Variants in GRIN2B observed in about 807,000 individuals in gnomAD.
The protein encoded by GRIN2B is glutamate receptor ionotropic, NMDA 2B.
Under a neutral mutation model 114.5 loss-of-function variants are expected in GRIN2B, and 5 were observed. The observed-to-expected ratio is 0.04, with a 90% CI of 0.02 to 0.09. The LOEUF (loss-of-function observed/expected upper bound fraction) is 0.09, where lower values mean the gene tolerates loss of function less well. Ranked by LOEUF, GRIN2B falls within the 10% of genes least tolerant of loss-of-function variation. The pLI, the probability that GRIN2B is intolerant of heterozygous loss-of-function variation, is 1.00. For missense variants in GRIN2B, 1,108 were observed against 1,943.5 expected (o/e 0.57, Z 8.08); for synonymous variants, 787 against 745.1 (o/e 1.06, Z -0.92).
intron 3 of GRIN2B, among the ~76,000 whole-genome samples, chr12:13,774,300 G>T (rs1863962783): frequency 6.6e-6 from 1 of 152,168 alleles, no homozygotes; most frequent in Non-Finnish European, 1.5e-5. Flanking sequence ...TTTGCTAGTG[G>T]GTTTTTATCA....
chr12:13,665,803 ACTGT>A (rs745632428), intron 5 of GRIN2B, among the ~76,000 whole-genome samples: 1 of 152,162 alleles, frequency 6.6e-6, no homozygotes, highest in Non-Finnish European at 1.5e-5. Flanking sequence ...TCCAGGCTAG[ACTGT>A]CTGATCATTT....
chr12:13,824,965 A>G (rs983459407), intron 3 of GRIN2B, among the ~76,000 whole-genome samples: 9 of 141,508 alleles, frequency 6.4e-5, no homozygotes, highest in African/African-American at 2.4e-4. Flanking sequence ...CCTTCTGTTT[A>G]TTCTGTTTAT....
chr12:13,865,475 T>C (rs1014558403), intron 3 of GRIN2B, among the ~76,000 whole-genome samples: 2 of 151,808 alleles, frequency 1.3e-5, no homozygotes, highest in Non-Finnish European at 2.9e-5. Context: ...CTACTAAAAA[T>C]ACAAAAATTA....
intron 2 of GRIN2B, among the ~76,000 whole-genome samples, chr12:13,960,739 A>G (rs957625262): frequency 6.6e-6 from 1 of 152,234 alleles, no homozygotes; most frequent in African/African-American, 2.4e-5. Context: ...GTCAGGGAAG[A>G]CAGGAAGTAT....
At chr12:13,791,470 A>T (rs1042210690) in intron 3 of GRIN2B, among the ~76,000 whole-genome samples, 3 of 151,660 alleles carry the variant, frequency 2.0e-5, no homozygotes, top group Non-Finnish European at 4.4e-5. Context: ...AAATAAAAAA[A>T]AAAAATTCCA....
At chr12:13,638,684 A>G (rs1949686359) in intron 5 of GRIN2B, among the ~76,000 whole-genome samples, 1 of 152,096 alleles carries the variant, frequency 6.6e-6, no homozygotes, top group Non-Finnish European at 1.5e-5. Flanking sequence ...CTCAAAATGT[A>G]AGTATTAGGA....
intron 5 of GRIN2B, among the ~76,000 whole-genome samples, chr12:13,626,244 C>T (rs149661901): frequency 1.3e-5 from 2 of 152,192 alleles, no homozygotes; most frequent in African/African-American, 4.8e-5. Context: ...ACCACTCCCT[C>T]TAAATCAACT....
chr12:13,800,901 T>C (rs1864499290), intron 3 of GRIN2B, among the ~76,000 whole-genome samples: 1 of 152,166 alleles, frequency 6.6e-6, no homozygotes, highest in Admixed American at 6.6e-5. Flanking sequence ...ATATAAATGA[T>C]GTAAGATGCT....
At chr12:13,714,360 T>G (rs1007885950) in intron 4 of GRIN2B, among the ~76,000 whole-genome samples, 1 of 151,894 alleles carries the variant, frequency 6.6e-6, no homozygotes, top group African/African-American at 2.4e-5. Flanking sequence ...AGGCTTGATA[T>G]GGAGGAGACT....
intron 4 of GRIN2B, among the ~76,000 whole-genome samples, chr12:13,727,156 T>C (rs1863004153): frequency 6.6e-6 from 1 of 152,164 alleles, no homozygotes; most frequent in South Asian, 2.1e-4. Context: ...ACCCTAGGGA[T>C]TGTCTAACCC....
chr12:13,689,154 A>G (rs950136888), intron 4 of GRIN2B, among the ~76,000 whole-genome samples: 10 of 152,122 alleles, frequency 6.6e-5, no homozygotes, highest in Non-Finnish European at 1.5e-4. Context: ...GATTAGTCCA[A>G]TTCTTCTCCT....
chr12:13,827,122 T>C lies in GRIN2B; in HGVS notation c.411+38676A>G, dbSNP rs142944703. ...AGTCTGCTGCTATTTTAACCTTTGT[T>C]AGTTTGAATATTATATGTCTTTTTT... On this transcript the variant is annotated intron_variant, in intron 3 of 13. Transcript: ENST00000609686. 2.2e-3 allele frequency among the ~76,000 whole-genome samples: 340 copies of C among 151,698 alleles called. 1 individual carries two copies. The highest frequency in any genetic ancestry group is 4.0e-3 in the Non-Finnish European group (272 of 67,858).
At chr12:13,873,531 A>G (rs964474588) in intron 2 of GRIN2B, among the ~76,000 whole-genome samples, 4 of 152,170 alleles carry the variant, frequency 2.6e-5, no homozygotes, top group African/African-American at 9.7e-5. Flanking sequence ...CTTGGAACCT[A>G]CACTTCTGTG....
At chr12:13,610,387 G>A (rs4764014) in intron 9 of GRIN2B, among the ~76,000 whole-genome samples, 39,885 of 152,052 alleles carry the variant, frequency 0.26, 5,885 homozygotes, top group Middle Eastern at 0.43. Flanking sequence ...TTTTTTCAAG[G>A]GAGAGAGGCA....
intron 3 of GRIN2B, among the ~76,000 whole-genome samples, chr12:13,756,429 C>T (rs539458223): frequency 2.4e-4 from 36 of 152,092 alleles, no homozygotes; most frequent in Non-Finnish European, 4.9e-4. Context: ...CTACAGAGGA[C>T]GACGACAGGA....
intron 4 of GRIN2B, among the ~76,000 whole-genome samples, chr12:13,751,858 C>G (rs1214684809): frequency 6.6e-6 from 1 of 152,020 alleles, no homozygotes; most frequent in Non-Finnish European, 1.5e-5. Flanking sequence ...CCAAGAAGTG[C>G]CCATATTTAA....
intron 3 of GRIN2B, among the ~76,000 whole-genome samples, chr12:13,781,254 C>T (rs752522413): frequency 3.3e-5 from 5 of 152,218 alleles, no homozygotes; most frequent in African/African-American, 9.6e-5. Context: ...TGGGTAGGCA[C>T]GAAAGTTGAG....
At chr12:13,739,980 T>G (rs1863253537) in intron 4 of GRIN2B, among the ~76,000 whole-genome samples, 2 of 152,192 alleles carry the variant, frequency 1.3e-5, no homozygotes, top group African/African-American at 4.8e-5. Flanking sequence ...GGTCTATTCC[T>G]AAAGAATATT....
chr12:13,866,847 A>G (rs1394740788), intron 2 of GRIN2B, among the ~76,000 whole-genome samples: 6 of 152,230 alleles, frequency 3.9e-5, no homozygotes, highest in Non-Finnish European at 1.5e-5. Flanking sequence ...ACATTGCCTC[A>G]ATTGATCCTT....
Sources: allele counts gnomAD v4.1 joint callset (sites outside exome capture counted in the v4.1 genomes callset), GRCh38; gene constraint gnomAD v4.1.1; transcripts MANE v1.5; gene names NCBI Gene and HGNC (gene_info 2026-07-23, HGNC 2026-07-21).